The following ZFYVE21 variants were observed in gnomAD, a reference collection of about 807,000 sequenced individuals.
The protein encoded by ZFYVE21 is zinc finger FYVE-type containing 21, also known as zinc finger FYVE domain-containing protein 21.
In ZFYVE21, 21 loss-of-function variants were observed where a neutral mutation model predicts 29.5. The ratio of observed to expected loss-of-function variants is 0.71; its 90% CI spans 0.50 to 1.02. The LOEUF (loss-of-function observed/expected upper bound fraction) is 1.02, where lower values mean the gene tolerates loss of function less well. ZFYVE21 is among the 50% of genes least tolerant of loss of function. The probability of loss-of-function intolerance (pLI) is 0.00; values close to 1 mark genes in which losing one functional copy is unlikely to be tolerated. For synonymous variants in ZFYVE21, 151 were observed against 133.8 expected (o/e 1.13, Z -0.89); for missense variants, 326 against 335.4 (o/e 0.97, Z 0.22).
chr14:103,723,219 G>A (rs1456636140), intron 1 of ZFYVE21, among the ~76,000 whole-genome samples: 2 of 152,216 alleles, frequency 1.3e-5, no homozygotes, highest in African/African-American at 2.4e-5. Context: ...TGGATTCTGT[G>A]GCTAGTGGAT....
chr14:103,726,951 T>TTTTTTTTGTTG, intron 2 of ZFYVE21, 109 bp downstream of exon 2: 10 of 1,180,196 alleles, frequency 8.5e-6, no homozygotes, highest in Non-Finnish European at 1.2e-5. Flanking sequence ...ATGGCTCGTT[T>TTTTTTTTGTTG]TTTTTTTTTT....
At chr14:103,722,351 C>CTTTTTTTTTT (rs34926725) in intron 1 of ZFYVE21, among the ~76,000 whole-genome samples, 4 of 108,372 alleles carry the variant, frequency 3.7e-5, no homozygotes, top group Non-Finnish European at 1.8e-5. Context: ...TGGTCTGTCT[C>CTTTTTTTTTT]TTTTTTTTTT....
At chr14:103,718,211 G>T (rs1002629819) in intron 1 of ZFYVE21, among the ~76,000 whole-genome samples, 2 of 152,194 alleles carry the variant, frequency 1.3e-5, no homozygotes, top group Admixed American at 6.5e-5. Flanking sequence ...GCCGTGTGCC[G>T]ATCGGCATCA....
At chr14:103,722,798 G>A (rs976771544) in intron 1 of ZFYVE21, among the ~76,000 whole-genome samples, 1 of 151,540 alleles carries the variant, frequency 6.6e-6, no homozygotes, top group Non-Finnish European at 1.5e-5. Flanking sequence ...CAGCCTGGGC[G>A]ACAGACTCCG....
intron 1 of ZFYVE21, 46 bp from the exon 2 acceptor site, chr14:103,726,746 G>T: frequency 6.2e-7 from 1 of 1,612,086 alleles, no homozygotes; most frequent in Non-Finnish European, 8.5e-7. Context: ...CAGCGACGTG[G>T]TGAGTGACCA....
intron 1 of ZFYVE21, among the ~76,000 whole-genome samples, chr14:103,719,624 G>A (rs1325409816): frequency 6.6e-6 from 1 of 151,942 alleles, no homozygotes; most frequent in African/African-American, 2.4e-5. Flanking sequence ...GGTGGTTCTC[G>A]GTGGAAGGCT....
chr14:103,726,742 CGTG>C (rs752283515), intron 1 of ZFYVE21, 47 bp from the exon 2 acceptor site: 92 of 1,609,950 alleles, frequency 5.7e-5, no homozygotes, highest in Non-Finnish European at 7.3e-5. Flanking sequence ...GCCCCAGCGA[CGTG>C]GTGAGTGACC....
intron 2 of ZFYVE21, 38 bp downstream of exon 2, chr14:103,726,880 G>A (rs1035144786): frequency 1.9e-6 from 3 of 1,612,202 alleles, no homozygotes; most frequent in Non-Finnish European, 2.5e-6. Flanking sequence ...GTGGGAAGAG[G>A]GGAGGGGCCC....
chr14:103,732,478 G>A (rs1413928991), intron 5 of ZFYVE21, 142 bp from the exon 6 acceptor site: 5 of 987,820 alleles, frequency 5.1e-6, no homozygotes, highest in African/African-American at 5.0e-5. Context: ...TTCCCTGGGT[G>A]CTCCTGAGCA....
Position 103,733,192 on chromosome 14 carries a change from C to T in ZFYVE21, c.*174C>T. The T allele has an allele frequency of 2.6e-6, 2 of 764,350 alleles. No individual in the cohort carries two copies. The highest frequency in any genetic ancestry group is 4.2e-6 in the Non-Finnish European group (2 of 474,288). 47.3% of individuals were successfully genotyped at this position (764,350 alleles called of 1,614,324 possible). On this transcript the variant is annotated 3_prime_UTR_variant, in exon 7 of 7. Coordinates refer to ENST00000311141, the MANE Select transcript of ZFYVE21 (RefSeq NM_024071.4). Reference sequence around the variant, plus strand: ...TCACTTATCTAGTGCAATATGTTCACAGTTTATTAATGCTTTAAACAGCTT... The same window carrying T: ...TCACTTATCTAGTGCAATATGTTCATAGTTTATTAATGCTTTAAACAGCTT...
intron 1 of ZFYVE21, among the ~76,000 whole-genome samples, chr14:103,720,571 C>CT (rs1567068457): frequency 6.6e-6 from 1 of 152,130 alleles, no homozygotes; most frequent in South Asian, 2.1e-4. Flanking sequence ...CTTTTTATAA[C>CT]TTTTTTTGAA....
At chr14:103,729,964 C>G (rs1177666525) in intron 5 of ZFYVE21, 1 of 1,198,224 alleles carries the variant, frequency 8.3e-7, no homozygotes, top group Non-Finnish European at 1.1e-6. Flanking sequence ...AACCTGAATT[C>G]ACTTACTTTG....
At chr14:103,726,736 C>T (rs2083928117) in intron 1 of ZFYVE21, 56 bp from the exon 2 acceptor site, 3 of 1,608,398 alleles carry the variant, frequency 1.9e-6, no homozygotes, top group Non-Finnish European at 2.6e-6. Flanking sequence ...GGTCGTGCCC[C>T]AGCGACGTGG....
chr14:103,729,520 C>CA, intron 5 of ZFYVE21: 1 of 579,096 alleles, frequency 1.7e-6, no homozygotes, highest in Non-Finnish European at 3.0e-6. Context: ...CTGAGATCCC[C>CA]AAAAAGGTCT....
At chr14:103,720,511 A>G (rs2083863784) in intron 1 of ZFYVE21, among the ~76,000 whole-genome samples, 1 of 152,174 alleles carries the variant, frequency 6.6e-6, no homozygotes, top group South Asian at 2.1e-4. Context: ...CCAGCCTCAA[A>G]GGGAGGGCAG....
At chr14:103,729,520 C>T (rs1055773895) in intron 5 of ZFYVE21, 65 of 578,980 alleles carry the variant, frequency 1.1e-4, no homozygotes, top group Middle Eastern at 9.0e-4. Context: ...CTGAGATCCC[C>T]AAAAAGGTCT....
chr14:103,718,807 A>G (rs115749783), intron 1 of ZFYVE21, among the ~76,000 whole-genome samples: 2,495 of 152,274 alleles, frequency 0.016, 64 homozygotes, highest in African/African-American at 0.056. Context: ...CCGCAGCTCC[A>G]TGCTGGCGGG....
In ZFYVE21 at chr14:103,733,660, A is replaced by G. The variant is rs749983911; in HGVS notation, c.*642A>G. The G allele has an allele frequency of 6.6e-6, 1 of 152,628 alleles. No homozygotes were observed. Among genetic ancestry groups the G allele is most frequent in the Non-Finnish European group, 1.5e-5 (1 of 68,114 alleles). The allele number at this position is 152,628 out of a possible 1,614,324, so 9.5% of individuals were successfully genotyped here. A position where few individuals can be genotyped will look rare whatever the true frequency, so the allele number is the denominator to read the frequency against. On this transcript the variant is annotated 3_prime_UTR_variant, in exon 7 of 7. Transcript: ENST00000311141. ...AGCTTATGATTAAAAACTATTTTGAACATACGGACAAGGCCTCGCCTTCCT... is the reference window on the plus strand; with the variant it reads ...AGCTTATGATTAAAAACTATTTTGAGCATACGGACAAGGCCTCGCCTTCCT...
intron 1 of ZFYVE21, among the ~76,000 whole-genome samples, chr14:103,722,652 T>C (rs745543996): frequency 9.0e-4 from 137 of 152,226 alleles, no homozygotes; most frequent in Non-Finnish European, 1.5e-3. Flanking sequence ...ACCCCGTCTC[T>C]ACTAAAAATA....
Sources: gnomAD v4.1 joint callset for allele counts (sites outside exome capture counted in the v4.1 genomes callset) on GRCh38, gnomAD v4.1.1 for gene constraint, MANE v1.5 for transcripts, NCBI Gene and HGNC (gene_info 2026-07-23, HGNC 2026-07-21) for gene names.